Variants in WDFY4 observed in about 807,000 individuals in gnomAD.
The protein encoded by WDFY4 is WD repeat- and FYVE domain-containing protein 4.
WDFY4 carries 169 observed loss-of-function variants against 351.9 expected under a neutral mutation model. The ratio of observed to expected loss-of-function variants is 0.48; its 90% CI spans 0.42 to 0.55. WDFY4 has a LOEUF of 0.55. Among genes scored for constraint, WDFY4 ranks in the 20% least tolerant of loss-of-function variants. WDFY4 has a pLI of 0.00. For missense variants in WDFY4, 3,803 were observed against 3,935.6 expected (o/e 0.97, Z 0.90); for synonymous variants, 1,622 against 1,574.6 (o/e 1.03, Z -0.71).
Position 48,970,267 on chromosome 10 carries a change from C to G in WDFY4, c.8906C>G (p.Pro2969Arg), listed in dbSNP as rs756464423. The G allele has an allele frequency of 1.9e-6, 3 of 1,551,288 alleles. No homozygotes were observed. The highest frequency in any genetic ancestry group is 2.6e-6 in the Non-Finnish European group (3 of 1,146,994). The change falls in exon 57 of 62, where the codon CCG becomes CGG. Residue 2969 changes from proline (P) to arginine (R), a missense_variant. Pro to Arg is a moderately radical substitution (Grantham distance 103). Around this residue, in one of 3 missense-constraint regions of WDFY4, gnomAD observed 3,054 missense variants for 3,148.6 expected, o/e 0.97. Transcript: ENST00000325239. ...GAGCTCAGCATGACCAAAGGCCGCC[C>G]GAGGGGCTTGCGCCTCCGGCAGGTA... is the stretch of plus-strand genomic sequence containing the variant. ...VWELSMTKGR[P>R]RGLRLRQALY... is the part of the protein sequence containing the mutation.
At chr10:48,699,238 T>C (rs1214787298) in intron 1 of WDFY4, among the ~76,000 whole-genome samples, 1 of 152,166 alleles carries the variant, frequency 6.6e-6, no homozygotes. Context: ...ATAGCCACTC[T>C]GAGACAGCAG....
intron 20 of WDFY4, among the ~76,000 whole-genome samples, chr10:48,787,459 G>A (rs17699326): frequency 0.069 from 10,443 of 152,268 alleles, 456 homozygotes; most frequent in Middle Eastern, 0.1. Flanking sequence ...GCAATGGGAC[G>A]AGGTCAGGTC....
intron 13 of WDFY4, among the ~76,000 whole-genome samples, chr10:48,764,698 G>C (rs903762595): frequency 1.3e-5 from 2 of 152,262 alleles, no homozygotes; most frequent in Non-Finnish European, 2.9e-5. Flanking sequence ...GCAGAGGTTG[G>C]AGCCAGACTG....
chr10:48,863,077 A>G (rs1463843721), intron 39 of WDFY4, among the ~76,000 whole-genome samples: 5 of 152,158 alleles, frequency 3.3e-5, no homozygotes, highest in African/African-American at 1.2e-4. Context: ...TAGACAGACC[A>G]TATTTTGTTT....
At chr10:48,965,919 C>T (rs568122147) in intron 54 of WDFY4, among the ~76,000 whole-genome samples, 1 of 152,180 alleles carries the variant, frequency 6.6e-6, no homozygotes, top group South Asian at 2.1e-4. Context: ...AGCAAGGACT[C>T]AACCAGGCAG....
chr10:48,916,125 T>C (rs1186182615), intron 47 of WDFY4, among the ~76,000 whole-genome samples: 1 of 152,126 alleles, frequency 6.6e-6, no homozygotes, highest in Admixed American at 6.5e-5. Context: ...TCAGGCAGAT[T>C]GGAGAAGAAA....
At position 48,806,052 on chromosome 10, in the gene WDFY4, G is replaced by A. The variant is rs370794356; in HGVS notation, c.4695G>A (p.Glu1565=). 2 of 1,551,604 alleles carry A rather than the reference G, an allele frequency of 1.3e-6. No individual in the cohort carries two copies. Among genetic ancestry groups the A allele is most frequent in the African/African-American group, 2.7e-5 (2 of 73,040 alleles). The change falls in exon 27 of 62, where the codon GAG becomes GAA. Residue 1565 remains glutamate, a synonymous_variant. Transcript: ENST00000325239. The part of the protein sequence containing the change: ...VYTLKPSSVN[E]RQICMDGALD... Reference sequence around the variant, plus strand: ...CCCTCAAGCCTTCGTCGGTGAATGAGAGGCAGATCTGCATGGACGGAGCCC... The same window carrying A: ...CCCTCAAGCCTTCGTCGGTGAATGAAAGGCAGATCTGCATGGACGGAGCCC...
chr10:48,980,935 G>T (rs1218284346), intron 60 of WDFY4, among the ~76,000 whole-genome samples: 1 of 152,222 alleles, frequency 6.6e-6, no homozygotes, highest in Admixed American at 6.5e-5. Context: ...TGTGGCGTGA[G>T]AGGATTAAGA....
intron 39 of WDFY4, among the ~76,000 whole-genome samples, chr10:48,848,781 C>A (rs1301822050): frequency 6.6e-6 from 1 of 152,180 alleles, no homozygotes; most frequent in African/African-American, 2.4e-5. Context: ...TGTGGCACCC[C>A]GAGGAGGCGA....
intron 19 of WDFY4, among the ~76,000 whole-genome samples, chr10:48,784,438 C>A (rs2066327491): frequency 6.7e-6 from 1 of 149,184 alleles, no homozygotes; most frequent in Non-Finnish European, 1.5e-5. Context: ...TGAGGTTGAA[C>A]ATCACCTTTT....
chr10:48,941,674 C>A, intron 47 of WDFY4, 132 bp from the exon 48 acceptor site: 1 of 868,702 alleles, frequency 1.2e-6, no homozygotes, highest in Non-Finnish European at 1.9e-6. Context: ...CTGAGAGTTG[C>A]TCTGGGATTT....
At chr10:48,936,833 G>A (rs374310099) in intron 47 of WDFY4, among the ~76,000 whole-genome samples, 7 of 137,326 alleles carry the variant, frequency 5.1e-5, no homozygotes, top group East Asian at 4.4e-4. Flanking sequence ...GTGAGACTCC[G>A]TCTCAAAAAA....
chr10:48,770,168 C>T (rs550186409), intron 13 of WDFY4, among the ~76,000 whole-genome samples: 6 of 152,296 alleles, frequency 3.9e-5, no homozygotes, highest in African/African-American at 9.6e-5. Context: ...ATAATGAGGA[C>T]GATCAATTTT....
rs1842798808 is a variant in WDFY4 at position 48,981,378 on chromosome 10, G to C, written c.9388G>C (p.Glu3130Gln). The C allele has an allele frequency of 6.4e-7, 1 of 1,551,674 alleles. No homozygotes were observed. Residue 3130 changes from glutamate to glutamine, a missense_variant, in exon 61 of 62, where the codon GAG becomes CAG. This residue lies in a region of WDFY4 where 3,054 missense variants were observed against 3,148.6 expected (regional missense o/e 0.97). Transcript: ENST00000325239. ...QPPSPRGHKW[E>Q]KNLALSRELD... ...CATGCTCCACACAGGCCACAAGTGG[G>C]AGAAGAACCTGGCCTTGAGTCGAGA...
At chr10:48,721,134 G>T in intron 3 of WDFY4, 127 bp from the exon 4 acceptor site, 1 of 818,926 alleles carries the variant, frequency 1.2e-6, no homozygotes, top group Non-Finnish European at 2.0e-6. Flanking sequence ...CCTTGGGGAT[G>T]TGTAGGCAAG....
rs77064597 is a variant in WDFY4 at position 48,807,536 on chromosome 10, T to A, written c.4739-323T>A. ...TTGCATAATATCAGTGCATAGTAGG[T>A]GATTATGAAATGTTGCAGCCTATAA... On this transcript the variant is annotated intron_variant, in intron 27 of 61. Transcript: ENST00000325239. Among the ~76,000 whole-genome samples the A allele has an allele frequency of 4.7e-3, 719 of 152,342 alleles. 13 individuals are homozygous for A. The East Asian group carries it at 0.069, about 15-fold the overall frequency.
intron 43 of WDFY4, among the ~76,000 whole-genome samples, chr10:48,879,200 C>T (rs1053198059): frequency 2.6e-5 from 4 of 152,210 alleles, no homozygotes; most frequent in Non-Finnish European, 4.4e-5. Flanking sequence ...AAGGAGCAGC[C>T]GTTCTCAACT....
At chr10:48,840,482 C>T (rs545653763) in intron 39 of WDFY4, among the ~76,000 whole-genome samples, 1,586 of 151,220 alleles carry the variant, frequency 0.01, 27 homozygotes, top group African/African-American at 0.037. Context: ...CCCCCACTCT[C>T]TTTCTCTCTC....
At chr10:48,720,535 A>G (rs2064049473) in intron 3 of WDFY4, among the ~76,000 whole-genome samples, 1 of 151,768 alleles carries the variant, frequency 6.6e-6, no homozygotes, top group Non-Finnish European at 1.5e-5. Context: ...ACAGACACAT[A>G]CAGAGACTAC....
Sources: gnomAD v4.1 joint callset for allele counts (sites outside exome capture counted in the v4.1 genomes callset) on GRCh38, gnomAD v4.1.1 for gene constraint, gnomAD v4.1.1 regional missense constraint, MANE v1.5 for transcripts, NCBI Gene and HGNC (gene_info 2026-07-23, HGNC 2026-07-21) for gene names.